CFAP57: variants seen among roughly 807,000 people sequenced by gnomAD.
CFAP57 encodes the protein cilia- and flagella-associated protein 57.
A neutral mutation model predicts 146.8 loss-of-function variants in CFAP57; 116 were observed. That is an observed-to-expected ratio of 0.79 (90% CI 0.68 to 0.92). CFAP57 has a LOEUF of 0.92. Ranked by LOEUF, CFAP57 falls within the 40% of genes least tolerant of loss-of-function variation. The pLI is 0.00. For synonymous variants in CFAP57, 518 were observed against 552.8 expected, an observed-to-expected ratio of 0.94 and a Z score of 0.88; for missense variants, 1,377 against 1,527.2, an observed-to-expected ratio of 0.90 and a Z score of 1.64.
At chr1:43,220,866 T>G (rs540352535) in intron 13 of CFAP57, among the ~76,000 whole-genome samples, 2 of 152,282 alleles carry the variant, frequency 1.3e-5, no homozygotes, top group South Asian at 4.1e-4. Context: ...TTTATAATTT[T>G]ATTCATTTAG....
chr1:43,206,839 T>C lies in CFAP57; in HGVS notation c.1662T>C (p.Ser554=). The change falls in exon 10 of 23, where the codon TCT becomes TCC. Residue 554 remains serine, a synonymous_variant. Transcript: ENST00000372492. The part of the protein sequence containing the change: ...GKRETECVLK[S]CSYNCVTVSP... ...GAGAGACAGAATGCGTGCTCAAGTC[T>C]TGCAGCTACAACTGTGTTACTGTCT... 1 of 1,614,182 alleles carries C rather than the reference T, an allele frequency of 6.2e-7. No individual in the cohort carries two copies. The highest frequency in any genetic ancestry group is 8.5e-7 in the Non-Finnish European group (1 of 1,180,020).
At chr1:43,244,643 A>T (rs1052822402) in intron 22 of CFAP57, among the ~76,000 whole-genome samples, 2 of 152,150 alleles carry the variant, frequency 1.3e-5, no homozygotes, top group African/African-American at 4.8e-5. Context: ...GGTGGCTCAC[A>T]TCTGTAATCC....
At chr1:43,191,832 A>G (rs1643555604) in intron 6 of CFAP57, among the ~76,000 whole-genome samples, 1 of 148,734 alleles carries the variant, frequency 6.7e-6, no homozygotes, top group South Asian at 2.1e-4. Flanking sequence ...AAGGTAGAAG[A>G]TTAGGTTATT....
intron 2 of CFAP57, among the ~76,000 whole-genome samples, chr1:43,176,411 A>T (rs1645173987): frequency 6.6e-6 from 1 of 152,158 alleles, no homozygotes; most frequent in Non-Finnish European, 1.5e-5. Flanking sequence ...GAAGGGAAAA[A>T]TATAAAGGTC....
At chr1:43,228,022 A>G (rs1645320838) in intron 18 of CFAP57, among the ~76,000 whole-genome samples, 1 of 152,172 alleles carries the variant, frequency 6.6e-6, no homozygotes, top group Non-Finnish European at 1.5e-5. Context: ...ACCCTGGTAC[A>G]AGCAGCCACC....
chr1:43,209,054 T>G (rs761839531), intron 10 of CFAP57, among the ~76,000 whole-genome samples: 2 of 152,182 alleles, frequency 1.3e-5, no homozygotes, highest in Non-Finnish European at 2.9e-5. Context: ...TTAGGTATTA[T>G]TTATCTCTTA....
chr1:43,213,449 C>T (rs150263284), intron 11 of CFAP57, among the ~76,000 whole-genome samples: 57 of 151,078 alleles, frequency 3.8e-4, no homozygotes, highest in Non-Finnish European at 6.6e-4. Flanking sequence ...CATTCATCCA[C>T]TGATGGACAC....
At chr1:43,234,980 C>A (rs1010500369) in intron 21 of CFAP57, among the ~76,000 whole-genome samples, 50 of 152,276 alleles carry the variant, frequency 3.3e-4, no homozygotes, top group African/African-American at 1.2e-3. Context: ...CTCTCATCAG[C>A]CCCTTGGCCC....
At chr1:43,180,223 TTA>T (rs1289107795) in intron 2 of CFAP57, among the ~76,000 whole-genome samples, 6 of 137,376 alleles carry the variant, frequency 4.4e-5, no homozygotes, top group Non-Finnish European at 7.7e-5. Context: ...TATATATATT[TTA>T]TATATATATA....
At chr1:43,182,837 A>G (rs1217538781) in intron 3 of CFAP57, among the ~76,000 whole-genome samples, 3 of 152,226 alleles carry the variant, frequency 2.0e-5, no homozygotes, top group South Asian at 4.1e-4. Flanking sequence ...TGCTCACTAT[A>G]TAGTCAGGAC....
At chr1:43,240,627 T>C (rs1258840167) in intron 21 of CFAP57, among the ~76,000 whole-genome samples, 1 of 152,204 alleles carries the variant, frequency 6.6e-6, no homozygotes. Flanking sequence ...CAATGAGGAC[T>C]GGGCATTTCA....
At chr1:43,188,233 C>T (rs1429921512) in intron 6 of CFAP57, among the ~76,000 whole-genome samples, 1 of 151,984 alleles carries the variant, frequency 6.6e-6, no homozygotes, top group Non-Finnish European at 1.5e-5. Context: ...TGGGTTTTTT[C>T]TACCTTTTGG....
chr1:43,244,999 T>C (rs189170442), intron 22 of CFAP57, among the ~76,000 whole-genome samples: 5 of 151,520 alleles, frequency 3.3e-5, no homozygotes, highest in Admixed American at 2.6e-4. Flanking sequence ...ATGTGAACAA[T>C]TGCAAAACTT....
At chr1:43,248,362 G>T (rs1646196664) in intron 22 of CFAP57, among the ~76,000 whole-genome samples, 1 of 144,948 alleles carries the variant, frequency 6.9e-6, no homozygotes, top group Non-Finnish European at 1.5e-5. Flanking sequence ...CTGTCGCCCA[G>T]GCTGGAGTGC....
At chr1:43,239,301 T>C (rs776481610) in intron 21 of CFAP57, among the ~76,000 whole-genome samples, 2 of 152,126 alleles carry the variant, frequency 1.3e-5, no homozygotes, top group Non-Finnish European at 2.9e-5. Flanking sequence ...GCCTCAATCA[T>C]ACTCCAAAAA....
At position 43,184,888 on chromosome 1, in the gene CFAP57, C is replaced by T. The variant is rs573500178; in HGVS notation, c.762-261C>T. 31 of 437,562 alleles carry T rather than the reference C, an allele frequency of 7.1e-5. No individual in the cohort carries two copies. In the Admixed American group the frequency reaches 9.6e-4, roughly 14 times the overall value. 27.1% of individuals were successfully genotyped at this position (437,562 alleles called of 1,614,324 possible). A position where few individuals can be genotyped will look rare whatever the true frequency, so the allele number is the denominator to read the frequency against. On this transcript the variant is annotated intron_variant, in intron 4 of 22. Transcript: ENST00000372492. ...CAAAGCCCAGACTTCTTGGTTTGGC[C>T]CAAGCATACCTGCGACTGTTTTCCT...
At position 43,206,952 on chromosome 1, in the gene CFAP57, G is replaced by A. The variant is rs576022669; in HGVS notation, c.1755+20G>A. The A allele has an allele frequency of 2.3e-4, 373 of 1,610,204 alleles. 2 individuals are homozygous for A. In the South Asian group the frequency reaches 3.7e-3, roughly 16 times the overall value. ...TCCTTGGTGAGTCTGCCCCTGCCCCGCCTCTGGGCTGGTGCACGGATCTGC... is the reference window on the plus strand; with the variant it reads ...TCCTTGGTGAGTCTGCCCCTGCCCCACCTCTGGGCTGGTGCACGGATCTGC... On this transcript the variant is annotated intron_variant, in intron 10 of 22. Coordinates refer to ENST00000372492, the MANE Select transcript of CFAP57 (RefSeq NM_001378189.1).
rs1645015663 is a variant in CFAP57, at chr1:43,172,618, G to A, written c.-19-117G>A. On this transcript the variant is annotated intron_variant, in intron 1 of 22. Transcript: ENST00000372492. ...GGGGAAAGGGGAGGGACAAGGGGAGGAGAAAGGGGAGAGACAAGGGGAGGA... is the reference window on the plus strand; with the variant it reads ...GGGGAAAGGGGAGGGACAAGGGGAGAAGAAAGGGGAGAGACAAGGGGAGGA... 3 of 814,916 alleles carry A rather than the reference G, an allele frequency of 3.7e-6. No homozygotes were observed. In the South Asian group the frequency reaches 4.3e-5, roughly 12 times the overall value. 50.5% of individuals were successfully genotyped at this position (814,916 alleles called of 1,614,324 possible).
At position 43,227,059 on chromosome 1, in the gene CFAP57, A is replaced by G. The variant is rs1020162464; in HGVS notation, c.2942A>G (p.Lys981Arg). The G allele has an allele frequency of 3.9e-6, 6 of 1,544,610 alleles. No individual in the cohort carries two copies. The South Asian group carries it at 7.2e-5, about 19-fold the overall frequency. ...KFKFVLDYKIKELKKQIEPRE... is the reference protein window; with the variant it reads ...KFKFVLDYKIRELKKQIEPRE... ...AAGTTTGTGCTTGACTACAAAATAA[A>G]GGAGCTGAAGAAGCAAATAGAACCT... Residue 981 changes from lysine (K) to arginine (R), a missense_variant, in exon 18 of 23, where the codon AAG (lysine) becomes AGG (arginine). Coordinates refer to ENST00000372492, the MANE Select transcript of CFAP57 (RefSeq NM_001378189.1).
Sources: allele counts gnomAD v4.1 joint callset (sites outside exome capture counted in the v4.1 genomes callset), GRCh38; gene constraint gnomAD v4.1.1; transcripts MANE v1.5; gene names NCBI Gene and HGNC (gene_info 2026-07-23, HGNC 2026-07-21).